The following SPEN variants were observed in gnomAD, a reference collection of about 807,000 sequenced individuals.
SPEN encodes the protein msx2-interacting protein.
A neutral mutation model predicts 269.9 loss-of-function variants in SPEN; 18 were observed. That is an observed-to-expected ratio of 0.07 (90% CI 0.05 to 0.10). The LOEUF (loss-of-function observed/expected upper bound fraction) is 0.10, where lower values mean the gene tolerates loss of function less well. Among genes scored for constraint, SPEN ranks in the 10% least tolerant of loss-of-function variants. The pLI is 1.00. For synonymous variants in SPEN, 1,726 were observed against 1,765.7 expected, an observed-to-expected ratio of 0.98 and a Z score of 0.56; for missense variants, 3,822 against 4,631.2, an observed-to-expected ratio of 0.83 and a Z score of 5.07.
rs190737244 is a variant in SPEN, at chr1:15,901,861, A to C, written c.882-7460A>C. ...TGCCGTATTGAAATTTAAACTTTAA[A>C]ATTTTTATTTTAGTGAGAATGACGT... On this transcript the variant is annotated intron_variant, in intron 3 of 14. Transcript: ENST00000375759. Among the ~76,000 whole-genome samples the C allele has an allele frequency of 2.4e-3, 359 of 151,564 alleles. 1 individual carries two copies. The highest frequency in any genetic ancestry group is 0.014 in the Middle Eastern group (4 of 292).
intron 13 of SPEN, 92 bp downstream of exon 13, chr1:15,938,098 G>A (rs2071295886): frequency 7.7e-6 from 9 of 1,164,808 alleles, no homozygotes; most frequent in East Asian, 2.4e-5. Context: ...GGCCTGTCAT[G>A]GAAGCATTAA....
In SPEN at chr1:15,876,436, T is replaced by C. The variant is rs2070631209; in HGVS notation, c.639T>C (p.Ser213=). 4.3e-6 allele frequency: 7 copies of C among 1,614,002 alleles called. No homozygotes were observed. In the East Asian group the frequency reaches 1.6e-4, roughly 36 times the overall value. The change falls in exon 3 of 15, where the codon AGT becomes AGC. Residue 213 remains serine, a synonymous_variant. Coordinates refer to ENST00000375759, the MANE Select transcript of SPEN (RefSeq NM_015001.3). ...CTCGCGAGCAGTTTACACTGCCCAGTGTGGTACACAGGGATATCTACAGGG... is the reference window on the plus strand; with the variant it reads ...CTCGCGAGCAGTTTACACTGCCCAGCGTGGTACACAGGGATATCTACAGGG... The part of the protein sequence containing the change: ...PRAREQFTLP[S]VVHRDIYRDD...
intron 1 of SPEN, among the ~76,000 whole-genome samples, chr1:15,851,261 C>A (rs377267578): frequency 1.7e-4 from 26 of 152,250 alleles, no homozygotes; most frequent in African/African-American, 6.0e-4. Context: ...ATAATCAGAA[C>A]ATTTACAAAA....
chr1:15,891,395 A>G (rs1570012509), intron 3 of SPEN, among the ~76,000 whole-genome samples: 1 of 147,154 alleles, frequency 6.8e-6, no homozygotes, highest in Admixed American at 7.0e-5. Flanking sequence ...TCTGTCGCCC[A>G]GGCTGGAGTG....
In SPEN at chr1:15,866,385, ACT is replaced by A. The variant is rs563146046; in HGVS notation, c.84-6428_84-6427del. ...GTTTTGTTTTTTGAGACACAGTCTC[ACT>A]CTGTTTCCCAGGCTGGAGTGCAGTG... On this transcript the variant is annotated intron_variant, in intron 1 of 14. Coordinates refer to ENST00000375759, the MANE Select transcript of SPEN (RefSeq NM_015001.3). Among the ~76,000 whole-genome samples the A allele has an allele frequency of 3.2e-3, 484 of 151,940 alleles. 4 individuals carry two copies. The highest frequency in any genetic ancestry group is 0.011 in the African/African-American group (450 of 41,492).
rs1045932562 is a variant in SPEN at position 15,909,306 on chromosome 1, G to C, written c.882-15G>C. ...TGTCTTTTCACTAAAGTTTGTTGTT[G>C]TTGCCTTTTTGCAGCAGTGATTCCA... On this transcript the variant is annotated splice_polypyrimidine_tract_variant and intron_variant, in intron 3 of 14. Transcript: ENST00000375759. 1.3e-6 allele frequency: 2 copies of C among 1,595,048 alleles called. No individual in the cohort carries two copies. The highest frequency in any genetic ancestry group is 1.7e-6 in the Non-Finnish European group (2 of 1,173,244).
Position 15,916,183 on chromosome 1 carries a change from C to A in SPEN, c.1299C>A (p.His433Gln). 1 of 1,613,560 alleles carries A rather than the reference C, an allele frequency of 6.2e-7. No individual in the cohort carries two copies. The highest frequency in any genetic ancestry group is 8.5e-7 in the Non-Finnish European group (1 of 1,179,812). Residue 433 changes from histidine to glutamine, a missense_variant, in exon 6 of 15, where the codon CAC (histidine) becomes CAA (glutamine). Physicochemically the swap from His to Gln is conservative, Grantham distance 24. Around this residue, in one of 16 missense-constraint regions of SPEN, gnomAD observed 230 missense variants for 426.1 expected, o/e 0.54. Transcript: ENST00000375759. ...TGGATGAAAGGATAGATGAATTTCA[C>A]CCCAAAGCAACAAGAACTCTCTTTA... ...RPLDERIDEF[H>Q]PKATRTLFIG...
chr1:15,885,809 CCT>C (rs1491439606), intron 3 of SPEN, among the ~76,000 whole-genome samples: 1 of 151,996 alleles, frequency 6.6e-6, no homozygotes, highest in African/African-American at 2.4e-5. Flanking sequence ...CCAAAAAAAC[CCT>C]TTTTTTCCCA....
Position 15,873,036 on chromosome 1 carries a change from A to G in SPEN, c.304A>G (p.Arg102Gly). The change falls in exon 2 of 15, where the codon AGA (arginine) becomes GGA (glycine). Residue 102 changes from arginine (R) to glycine (G), a missense_variant. Transcript: ENST00000375759. ...TACAGTTTCCATAGCATCTCGTAGTAGAGAGGTTTCTGGGTTCAGAGGAGG... is the reference window on the plus strand; with the variant it reads ...TACAGTTTCCATAGCATCTCGTAGTGGAGAGGTTTCTGGGTTCAGAGGAGG... ...DDTVSIASRS[R>G]EVSGFRGGGG... 6.2e-7 allele frequency: 1 copy of G among 1,614,176 alleles called. No individual in the cohort carries two copies. Among genetic ancestry groups the G allele is most frequent in the Middle Eastern group, 1.6e-4 (1 of 6,062 alleles).
intron 1 of SPEN, among the ~76,000 whole-genome samples, chr1:15,863,927 G>A (rs1172442234): frequency 2.0e-5 from 3 of 152,090 alleles, no homozygotes; most frequent in South Asian, 2.1e-4. Context: ...CTCTAATGTC[G>A]ATGACCAATG....
At chr1:15,879,607 A>G (rs1398630461) in intron 3 of SPEN, among the ~76,000 whole-genome samples, 1 of 152,068 alleles carries the variant, frequency 6.6e-6, no homozygotes, top group Non-Finnish European at 1.5e-5. Flanking sequence ...GGGTAGCTAG[A>G]TGTATTCATT....
chr1:15,876,731 C>CG, intron 3 of SPEN, 53 bp downstream of exon 3: 1 of 1,313,716 alleles, frequency 7.6e-7, no homozygotes, highest in Non-Finnish European at 1.1e-6. Flanking sequence ...AACAAATTCT[C>CG]AACAATCAGT....
rs1002345315 is a variant in SPEN, at chr1:15,848,058, G to A, written c.-10G>A. The A allele has an allele frequency of 3.5e-5, 49 of 1,414,660 alleles. No individual in the cohort carries two copies. The highest frequency in any genetic ancestry group is 4.1e-5 in the Non-Finnish European group (44 of 1,067,634). The allele number at this position is 1,414,660 out of a possible 1,614,324, so 87.6% of individuals were successfully genotyped here. On this transcript the variant is annotated 5_prime_UTR_variant, in exon 1 of 15. Coordinates refer to ENST00000375759, the MANE Select transcript of SPEN (RefSeq NM_015001.3). This position sits in a 1 kb window ranked among gnomAD's most constrained non-coding sequence, Gnocchi z 5.1. ...AGCCAGCAGCGGCGGTCGCCGGCAC[G>A]CCGCCCAGCATGGTCCGGGAAACCA...
intron 10 of SPEN, among the ~76,000 whole-genome samples, chr1:15,924,288 A>G (rs888100894): frequency 7.9e-5 from 12 of 152,134 alleles, no homozygotes; most frequent in African/African-American, 2.9e-4. Context: ...GCTTACAAGG[A>G]ATTCTTATCT....
intron 1 of SPEN, among the ~76,000 whole-genome samples, chr1:15,851,482 CTT>C (rs888610096): frequency 6.6e-6 from 1 of 152,106 alleles, no homozygotes; most frequent in Non-Finnish European, 1.5e-5. Flanking sequence ...TGGTTCCTGT[CTT>C]TTAGTTATGA....
In SPEN at chr1:15,935,506, C is replaced by G. The variant is rs756817587; in HGVS notation, c.9266C>G (p.Ser3089Cys). The change falls in exon 11 of 15, where the codon TCC becomes TGC. Residue 3089 changes from serine (S) to cysteine (C), a missense_variant. Ser to Cys is a moderately radical substitution (Grantham distance 112, BLOSUM62 -1). Coordinates refer to ENST00000375759, the MANE Select transcript of SPEN (RefSeq NM_015001.3). This position sits in a 1 kb window ranked among gnomAD's most constrained non-coding sequence, Gnocchi z 7.7. ...CCCCACAGCATCACCCAGACTGTGT[C>G]CCTGAGCCACCTCTCCCAGGGCGAG... The part of the protein sequence containing the change: ...MPPHSITQTV[S>C]LSHLSQGEVR... The G allele has an allele frequency of 6.2e-7, 1 of 1,614,098 alleles. No homozygotes were observed. The highest frequency in any genetic ancestry group is 8.5e-7 in the Non-Finnish European group (1 of 1,180,018).
chr1:15,856,565 CTTTTT>C (rs34812900), intron 1 of SPEN, among the ~76,000 whole-genome samples: 1 of 102,486 alleles, frequency 9.8e-6, no homozygotes. Flanking sequence ...CTGCCAGATA[CTTTTT>C]TTTTTTTTTT....
At chr1:15,881,064 G>T (rs1453128028) in intron 3 of SPEN, among the ~76,000 whole-genome samples, 1 of 152,036 alleles carries the variant, frequency 6.6e-6, no homozygotes, top group Non-Finnish European at 1.5e-5. Context: ...TAGCTCCTGG[G>T]CTCAAACCAT....
At position 15,937,050 on chromosome 1, in the gene SPEN, C is replaced by A. The variant is rs759078434; in HGVS notation, c.10027-113C>A. On this transcript the variant is annotated intron_variant, in intron 11 of 14. Transcript: ENST00000375759. This position sits in a 1 kb window ranked among gnomAD's most constrained non-coding sequence, Gnocchi z 5.7. ...GGCTCCTTCTGTGGGCCTGACTTAA[C>A]GGGAGATGCCACATCTTATCCTTTC... 6.9e-7 allele frequency: 1 copy of A among 1,458,662 alleles called. No individual in the cohort carries two copies. The highest frequency in any genetic ancestry group is 1.4e-5 in the African/African-American group (1 of 70,758). 90.4% of individuals were successfully genotyped at this position (1,458,662 alleles called of 1,614,324 possible).
Sources: allele counts gnomAD v4.1 joint callset (sites outside exome capture counted in the v4.1 genomes callset), GRCh38; gene constraint gnomAD v4.1.1; regional missense constraint gnomAD v4.1.1; non-coding constraint Gnocchi (gnomAD v3.1); transcripts MANE v1.5; gene names NCBI Gene and HGNC (gene_info 2026-07-23, HGNC 2026-07-21).